The following ADAMTS6 variants were observed in gnomAD, a reference collection of about 807,000 sequenced individuals.
ADAMTS6 encodes A disintegrin and metalloproteinase with thrombospondin motifs 6.
Under a neutral mutation model 144.3 loss-of-function variants are expected in ADAMTS6, and 23 were observed. The ratio of observed to expected loss-of-function variants is 0.16; its 90% CI spans 0.11 to 0.23. The LOEUF is 0.23. ADAMTS6 is among the 10% of genes least tolerant of loss of function. The pLI is 1.00. For synonymous variants in ADAMTS6, 444 were observed against 457.5 expected (o/e 0.97, Z 0.38); for missense variants, 999 against 1,379.6 (o/e 0.72, Z 4.37).
chr5:65,452,052 A>T, intron 6 of ADAMTS6, 81 bp downstream of exon 6: 1 of 1,070,922 alleles, frequency 9.3e-7, no homozygotes, highest in Non-Finnish European at 1.3e-6. Context: ...ATAATAAAAC[A>T]TATTATTTAA....
intron 10 of ADAMTS6, among the ~76,000 whole-genome samples, chr5:65,291,904 T>C (rs930608138): frequency 1.2e-4 from 18 of 152,186 alleles, no homozygotes; most frequent in African/African-American, 4.3e-4. Flanking sequence ...AGTTCCACCT[T>C]GGGCAGAACA....
intron 24 of ADAMTS6, among the ~76,000 whole-genome samples, chr5:65,156,428 C>G (rs984061555): frequency 1.3e-5 from 2 of 152,056 alleles, no homozygotes; most frequent in Admixed American, 6.6e-5. Flanking sequence ...TAAGTTAAAT[C>G]ACATATCCCA....
At chr5:65,329,060 T>C (rs972782176) in intron 9 of ADAMTS6, among the ~76,000 whole-genome samples, 1 of 152,080 alleles carries the variant, frequency 6.6e-6, no homozygotes, top group Non-Finnish European at 1.5e-5. Flanking sequence ...AAAATATATA[T>C]GCATTGTCAC....
At chr5:65,296,236 T>C (rs948158836) in intron 10 of ADAMTS6, among the ~76,000 whole-genome samples, 2 of 152,256 alleles carry the variant, frequency 1.3e-5, no homozygotes, top group Middle Eastern at 3.4e-3. Flanking sequence ...TCACATAAAT[T>C]AAGCAAAATA....
At chr5:65,260,114 G>A (rs898941275) in intron 14 of ADAMTS6, among the ~76,000 whole-genome samples, 1 of 152,082 alleles carries the variant, frequency 6.6e-6, no homozygotes, top group Non-Finnish European at 1.5e-5. Context: ...GTGAGTATTA[G>A]GGGTTTTGAA....
intron 24 of ADAMTS6, among the ~76,000 whole-genome samples, chr5:65,167,125 T>C (rs1346195997): frequency 2.8e-5 from 4 of 145,066 alleles, no homozygotes; most frequent in African/African-American, 1.0e-4. Context: ...ACAAAATTGA[T>C]AGACTGCTAG....
At chr5:65,192,540 C>T (rs760745937) in intron 21 of ADAMTS6, among the ~76,000 whole-genome samples, 6 of 151,894 alleles carry the variant, frequency 4.0e-5, no homozygotes, top group Admixed American at 6.6e-5. Context: ...TATTAAAACA[C>T]GGCATGGTAA....
chr5:65,170,756 G>A lies in ADAMTS6; in HGVS notation c.3105C>T (p.Gly1035=). The change falls in exon 24 of 25, where the codon GGC becomes GGT. Residue 1035 remains glycine, a synonymous_variant. Coordinates refer to ENST00000381055, the MANE Select transcript of ADAMTS6 (RefSeq NM_197941.4). ...GDWGQCSAQC[G]LGQQMRTVQC... The stretch of plus-strand genomic sequence containing the variant: ...GCACAGTTCTCATCTGCTGTCCAAG[G>A]CCACACTGAGCAGAACACTAAATCC... The A allele has an allele frequency of 1.9e-6, 3 of 1,613,806 alleles. No homozygotes were observed. The highest frequency in any genetic ancestry group is 2.5e-6 in the Non-Finnish European group (3 of 1,179,860).
In ADAMTS6 at chr5:65,470,951, G is replaced by C. The variant is rs766828105; in HGVS notation, c.289C>G (p.His97Asp). The change falls in exon 3 of 25, where the codon CAT (histidine) becomes GAT (aspartate). Residue 97 changes from histidine (H) to aspartate (D), a missense_variant. Transcript: ENST00000381055. ...FKLSAYGKHF[H>D]LNLTLNTDFV... ...TCTGTGTTGAGAGTCAAGTTTAGAT[G>C]AAAGTGCTTGCCATAGGCTGAAAGT... 4.3e-6 allele frequency: 7 copies of C among 1,613,240 alleles called. No individual in the cohort carries two copies. The South Asian group carries it at 6.6e-5, about 15-fold the overall frequency.
intron 7 of ADAMTS6, among the ~76,000 whole-genome samples, chr5:65,410,166 G>T (rs907490668): frequency 1.6e-4 from 24 of 152,280 alleles, no homozygotes; most frequent in African/African-American, 5.8e-4. Context: ...GACTTCCAAT[G>T]ACAAACTTAA....
chr5:65,336,118 T>G (rs1305160049), intron 7 of ADAMTS6, among the ~76,000 whole-genome samples: 1 of 152,084 alleles, frequency 6.6e-6, no homozygotes, highest in Non-Finnish European at 1.5e-5. Flanking sequence ...AAATAGTTTG[T>G]ATAGTAGAGA....
intron 7 of ADAMTS6, among the ~76,000 whole-genome samples, chr5:65,381,728 T>C (rs1175048556): frequency 6.6e-6 from 1 of 151,924 alleles, no homozygotes; most frequent in Non-Finnish European, 1.5e-5. Flanking sequence ...GAAAACATAG[T>C]AATCCTTTGA....
intron 10 of ADAMTS6, chr5:65,297,006 C>T: frequency 3.5e-6 from 1 of 283,064 alleles, no homozygotes; most frequent in Admixed American, 4.6e-5. Context: ...TAAATTGGTC[C>T]ATAGTCATCA....
At chr5:65,296,258 A>C (rs1454328681) in intron 10 of ADAMTS6, among the ~76,000 whole-genome samples, 1 of 152,170 alleles carries the variant, frequency 6.6e-6, no homozygotes, top group African/African-American at 2.4e-5. Context: ...AATTGGGTTG[A>C]TATCATCTAC....
chr5:65,304,845 G>C (rs1235705504), intron 9 of ADAMTS6, among the ~76,000 whole-genome samples: 1 of 151,916 alleles, frequency 6.6e-6, no homozygotes, highest in Non-Finnish European at 1.5e-5. Flanking sequence ...TAACAAAAAA[G>C]TCTGAAGAAT....
intron 7 of ADAMTS6, among the ~76,000 whole-genome samples, chr5:65,371,598 C>A (rs1202503613): frequency 6.6e-6 from 1 of 152,078 alleles, no homozygotes; most frequent in Non-Finnish European, 1.5e-5. Context: ...ACGAACAAAG[C>A]CTCCAAGAAA....
chr5:65,247,527 A>T (rs1276039299), intron 14 of ADAMTS6, among the ~76,000 whole-genome samples: 1 of 152,136 alleles, frequency 6.6e-6, no homozygotes, highest in Non-Finnish European at 1.5e-5. Context: ...CATTTGCAAA[A>T]TATACCCCCA....
chr5:65,323,033 C>A (rs895201025), intron 9 of ADAMTS6, among the ~76,000 whole-genome samples: 3 of 152,072 alleles, frequency 2.0e-5, no homozygotes, highest in Admixed American at 6.6e-5. Flanking sequence ...TTTTATAAGA[C>A]AAACTTTATT....
rs1337372868 is a variant in ADAMTS6, at chr5:65,160,398, C to A, written c.3245-8453G>T. ...CTCGGCTCACTGCAAGCTCCGCCTC[C>A]CGGGTTCACGCCATTCTCCAGCCTC... is the stretch of plus-strand genomic sequence containing the variant. On this transcript the variant is annotated intron_variant, in intron 24 of 24. Transcript: ENST00000381055. Among the ~76,000 whole-genome samples the A allele has an allele frequency of 4.0e-5, 6 of 151,788 alleles. 1 individual carries two copies. The highest frequency in any genetic ancestry group is 3.9e-4 in the Admixed American group (6 of 15,250).
Sources: allele counts gnomAD v4.1 joint callset (sites outside exome capture counted in the v4.1 genomes callset), GRCh38; gene constraint gnomAD v4.1.1; transcripts MANE v1.5; gene names NCBI Gene and HGNC (gene_info 2026-07-23, HGNC 2026-07-21).